GRIA4: variants seen among roughly 807,000 people sequenced by gnomAD.
GRIA4 encodes glutamate ionotropic receptor AMPA type subunit 4.
Under a neutral mutation model 104.0 loss-of-function variants are expected in GRIA4, and 34 were observed. That is an observed-to-expected ratio of 0.33 (90% CI 0.25 to 0.44). The LOEUF is 0.44. GRIA4 is among the 20% of genes least tolerant of loss of function. The pLI is 1.00. For missense variants in GRIA4, 750 were observed against 1,096.5 expected, an observed-to-expected ratio of 0.68 and a Z score of 4.46; for synonymous variants, 386 against 381.9, an observed-to-expected ratio of 1.01 and a Z score of -0.13.
At chr11:105,916,963 AAG>A (rs1825409140) in intron 10 of GRIA4, among the ~76,000 whole-genome samples, 1 of 152,222 alleles carries the variant, frequency 6.6e-6, no homozygotes, top group African/African-American at 2.4e-5. Context: ...TTTTAAAAAA[AAG>A]AGAAAATATA....
chr11:105,834,199 T>C (rs1048440609), intron 4 of GRIA4, among the ~76,000 whole-genome samples: 4 of 152,044 alleles, frequency 2.6e-5, no homozygotes, highest in Admixed American at 6.6e-5. Flanking sequence ...CACACTAAAA[T>C]ACATAGAGAT....
chr11:105,737,518 T>G (rs1453028879), intron 3 of GRIA4, among the ~76,000 whole-genome samples: 1 of 152,170 alleles, frequency 6.6e-6, no homozygotes, highest in Non-Finnish European at 1.5e-5. Context: ...CATCGGTTAC[T>G]GCAATCTTAT....
intron 3 of GRIA4, among the ~76,000 whole-genome samples, chr11:105,718,001 G>A (rs557983762): frequency 9.2e-5 from 14 of 151,618 alleles, no homozygotes; most frequent in East Asian, 2.0e-4. Context: ...ACCAAACACC[G>A]CATATTCTCA....
chr11:105,760,770 A>G (rs1266673336), intron 4 of GRIA4, among the ~76,000 whole-genome samples: 1 of 151,980 alleles, frequency 6.6e-6, no homozygotes, highest in Non-Finnish European at 1.5e-5. Context: ...TAAGGTACAT[A>G]ATATGCATTG....
chr11:105,699,034 T>C (rs1371163948), intron 3 of GRIA4, among the ~76,000 whole-genome samples: 1 of 152,232 alleles, frequency 6.6e-6, no homozygotes, highest in Non-Finnish European at 1.5e-5. Context: ...CTATTTCCTG[T>C]TTAAGAGTTT....
At chr11:105,911,226 T>A (rs1215063733) in intron 10 of GRIA4, among the ~76,000 whole-genome samples, 2 of 151,980 alleles carry the variant, frequency 1.3e-5, no homozygotes, top group Admixed American at 6.6e-5. Context: ...TTTGGCCACA[T>A]CAAAAAATGA....
intron 4 of GRIA4, among the ~76,000 whole-genome samples, chr11:105,775,042 C>A (rs990065898): frequency 6.6e-6 from 1 of 152,110 alleles, no homozygotes; most frequent in African/African-American, 2.4e-5. Context: ...AAATCCATTT[C>A]TCTGCCTCCT....
intron 3 of GRIA4, among the ~76,000 whole-genome samples, chr11:105,695,926 C>T (rs1056904944): frequency 6.6e-6 from 1 of 152,080 alleles, no homozygotes; most frequent in Non-Finnish European, 1.5e-5. Flanking sequence ...CAATTTGTAT[C>T]CCCTTGTTAA....
At chr11:105,739,113 C>T (rs557689946) in intron 3 of GRIA4, among the ~76,000 whole-genome samples, 24 of 152,076 alleles carry the variant, frequency 1.6e-4, no homozygotes, top group African/African-American at 5.3e-4. Context: ...TTTGCAGCAC[C>T]CAAATTACTG....
chr11:105,681,063 A>C (rs1952694522), intron 3 of GRIA4, among the ~76,000 whole-genome samples: 1 of 152,230 alleles, frequency 6.6e-6, no homozygotes, highest in Admixed American at 6.5e-5. Context: ...TTCTAACGCC[A>C]CATTCCTTTT....
chr11:105,804,268 CTTTT>C (rs1294587044), intron 4 of GRIA4, among the ~76,000 whole-genome samples: 2 of 151,768 alleles, frequency 1.3e-5, no homozygotes, highest in African/African-American at 2.4e-5. Context: ...GTAAAGCTGT[CTTTT>C]TGTTTTCCGT....
chr11:105,711,809 G>T (rs1406451349), intron 3 of GRIA4, among the ~76,000 whole-genome samples: 1 of 152,070 alleles, frequency 6.6e-6, no homozygotes, highest in Non-Finnish European at 1.5e-5. Context: ...AATCAAGTAG[G>T]CCTTGAGGCT....
In GRIA4 at chr11:105,974,306, CT is replaced by C. The variant is rs779838346; in HGVS notation, c.2410-3del. 8 of 1,613,506 alleles carry C rather than the reference CT, an allele frequency of 5.0e-6. No individual in the cohort carries two copies. In the Admixed American group the frequency reaches 5.0e-5, roughly 10 times the overall value. ...GTTAACTGAAGTGTCTTTATCCCCC[CT>C]AGGACAAGACGAGTGCCTTGAGCCT... On this transcript the variant is annotated splice_region_variant and splice_polypyrimidine_tract_variant and intron_variant, in intron 15 of 16. Coordinates refer to ENST00000282499, the MANE Select transcript of GRIA4 (RefSeq NM_000829.4).
chr11:105,615,296 A>T (rs570836448), intron 3 of GRIA4, among the ~76,000 whole-genome samples: 48 of 152,030 alleles, frequency 3.2e-4, no homozygotes, highest in South Asian at 8.3e-4. Context: ...GGTAACATAA[A>T]CTATTCTGTG....
chr11:105,712,476 A>G (rs919087848), intron 3 of GRIA4, among the ~76,000 whole-genome samples: 1 of 152,078 alleles, frequency 6.6e-6, no homozygotes, highest in Admixed American at 6.6e-5. Context: ...CTTACTTAGA[A>G]TAATACCATA....
intron 5 of GRIA4, among the ~76,000 whole-genome samples, chr11:105,880,896 G>A (rs1309222021): frequency 6.6e-6 from 1 of 152,124 alleles, no homozygotes; most frequent in African/African-American, 2.4e-5. Flanking sequence ...GGGATCATTA[G>A]CCAACAAAAG....
chr11:105,907,385 G>A (rs1460887748), intron 9 of GRIA4, among the ~76,000 whole-genome samples: 1 of 152,182 alleles, frequency 6.6e-6, no homozygotes, highest in African/African-American at 2.4e-5. Flanking sequence ...TTAAAAATGA[G>A]CTACCATGAG....
intron 4 of GRIA4, among the ~76,000 whole-genome samples, chr11:105,856,437 T>C (rs974568963): frequency 6.6e-5 from 9 of 136,890 alleles, no homozygotes; most frequent in Admixed American, 2.9e-4. Context: ...ACTGAAGTTT[T>C]TGAAGCTTCT....
chr11:105,914,789 G>T (rs1012021690), intron 10 of GRIA4, among the ~76,000 whole-genome samples: 1 of 152,082 alleles, frequency 6.6e-6, no homozygotes, highest in African/African-American at 2.4e-5. Context: ...GAAAAAAGAG[G>T]TTACTCTATC....
Sources: allele counts gnomAD v4.1 joint callset (sites outside exome capture counted in the v4.1 genomes callset), GRCh38; gene constraint gnomAD v4.1.1; transcripts MANE v1.5; gene names NCBI Gene and HGNC (gene_info 2026-07-23, HGNC 2026-07-21).